The following PDE10A variants were observed in gnomAD, a reference collection of about 807,000 sequenced individuals.
PDE10A encodes the protein phosphodiesterase 10A, also known as cAMP and cAMP-inhibited cGMP 3',5'-cyclic phosphodiesterase 10A.
In PDE10A, 39 loss-of-function variants were observed where a neutral mutation model predicts 97.7. That is an observed-to-expected ratio of 0.40 (90% CI 0.31 to 0.52). The LOEUF (loss-of-function observed/expected upper bound fraction) is 0.52. Ranked by LOEUF, PDE10A falls within the 20% of genes least tolerant of loss-of-function variation. PDE10A has a pLI of 0.56. For synonymous variants in PDE10A, 371 were observed against 376.8 expected (o/e 0.98, Z 0.18); for missense variants, 731 against 1,047.8 (o/e 0.70, Z 4.17).
chr6:165,848,693 G>C (rs1204318277), intron 1 of PDE10A, among the ~76,000 whole-genome samples: 1 of 152,180 alleles, frequency 6.6e-6, no homozygotes, highest in Non-Finnish European at 1.5e-5. Flanking sequence ...GGCCCCCCAA[G>C]GGTATCCAGG....
intron 2 of PDE10A, among the ~76,000 whole-genome samples, chr6:165,528,053 G>C (rs929090382): frequency 6.6e-6 from 1 of 152,222 alleles, no homozygotes; most frequent in Non-Finnish European, 1.5e-5. Context: ...TGAATGGAAG[G>C]AGAAATGGCC....
chr6:165,987,638 G>C (rs1478877729), exon 1 of PDE10A: 1 of 437,746 alleles, frequency 2.3e-6, no homozygotes, highest in Non-Finnish European at 4.5e-6. Flanking sequence ...AAGGCGCCGG[G>C]AGCACAGTGG....
At position 165,661,097 on chromosome 6, in the gene PDE10A, C is replaced by A; in HGVS notation, c.865+850G>T. On this transcript the variant is annotated intron_variant, in intron 1 of 21. Transcript: ENST00000539869. This position sits in a 1 kb window ranked among gnomAD's most constrained non-coding sequence, Gnocchi z 4.8. ...TTCTGCTCAATCTTGTCCCCCACCC[C>A]CGTGACATGCCTTTCTGCCACCTCT... 1 of 152,868 alleles carries A rather than the reference C, an allele frequency of 6.5e-6. No individual in the cohort carries two copies. The highest frequency in any genetic ancestry group is 1.5e-5 in the Non-Finnish European group (1 of 68,476). 9.5% of individuals were successfully genotyped at this position (152,868 alleles called of 1,614,324 possible).
chr6:165,640,220 T>C (rs1789067796), intron 1 of PDE10A, among the ~76,000 whole-genome samples: 1 of 152,226 alleles, frequency 6.6e-6, no homozygotes, highest in Admixed American at 6.5e-5. Context: ...ACATAAAGAT[T>C]CTAATGGTTT....
At chr6:165,706,009 T>C (rs774130366) in intron 1 of PDE10A, among the ~76,000 whole-genome samples, 4 of 152,134 alleles carry the variant, frequency 2.6e-5, no homozygotes. Flanking sequence ...AAAATGTGTG[T>C]TCTCTGCGAA....
At chr6:165,783,328 C>G (rs762507878) in intron 1 of PDE10A, among the ~76,000 whole-genome samples, 4 of 152,176 alleles carry the variant, frequency 2.6e-5, no homozygotes, top group African/African-American at 9.7e-5. Flanking sequence ...ATCAGTTCTA[C>G]TAAGATACAG....
rs193291622 is a variant in PDE10A at position 165,715,713 on chromosome 6, A to G, written c.-614-172145T>C. ...GATCAGGTGGTTTGTCCAGGAAAGAAGACAGCATGTTACCTGCTGCATAGA... is the reference window on the plus strand; with the variant it reads ...GATCAGGTGGTTTGTCCAGGAAAGAGGACAGCATGTTACCTGCTGCATAGA... On this transcript the variant is annotated intron_variant, in intron 1 of 19. Coordinates refer to the PDE10A transcript ENST00000366882. Among the ~76,000 whole-genome samples the G allele has an allele frequency of 1.1e-4, 16 of 152,338 alleles. No individual in the cohort carries two copies. The East Asian group carries it at 2.9e-3, about 28-fold the overall frequency.
chr6:165,561,626 T>C (rs1213769698), intron 1 of PDE10A, among the ~76,000 whole-genome samples: 2 of 152,226 alleles, frequency 1.3e-5, no homozygotes, highest in East Asian at 3.9e-4. Context: ...TGTTTTAAGA[T>C]GTAAGTCTTA....
intron 10 of PDE10A, among the ~76,000 whole-genome samples, chr6:165,428,266 C>A (rs1030872846): frequency 4.6e-5 from 7 of 151,968 alleles, no homozygotes; most frequent in Admixed American, 3.3e-4. Context: ...GCTTTAGGCT[C>A]AAAAGTGCCT....
intron 2 of PDE10A, among the ~76,000 whole-genome samples, chr6:165,509,264 G>T (rs747728825): frequency 2.0e-5 from 3 of 151,884 alleles, no homozygotes; most frequent in Non-Finnish European, 2.9e-5. Context: ...AATATTTCAA[G>T]TCCTTTCTTC....
In PDE10A at chr6:165,711,017, AC is replaced by A. The variant is rs1297106267; in HGVS notation, c.-614-167450del. On this transcript the variant is annotated intron_variant, in intron 1 of 19. Transcript: ENST00000366882. This position sits in a 1 kb window ranked among gnomAD's most constrained non-coding sequence, Gnocchi z 4.5. ...GAACGGCAGAGCGGGTTTCCTTTTT[AC>A]CTGGCGCACTGCAGGGGTCCAGGGT... Among the ~76,000 whole-genome samples the A allele has an allele frequency of 6.6e-6, 1 of 152,112 alleles. No individual in the cohort carries two copies. Among genetic ancestry groups the A allele is most frequent in the Non-Finnish European group, 1.5e-5 (1 of 68,018 alleles).
Position 165,661,049 on chromosome 6 carries a change from C to G in PDE10A, c.865+898G>C, listed in dbSNP as rs1790228995. 2.0e-5 allele frequency: 3 copies of G among 152,828 alleles called. No homozygotes were observed. The highest frequency in any genetic ancestry group is 7.2e-5 in the African/African-American group (3 of 41,480). 9.5% of individuals were successfully genotyped at this position (152,828 alleles called of 1,614,324 possible). ...CTGTCTCCCGCCTGCCTGCTTCCTT[C>G]TAGCGAACCCCTGCCTTGACTTTTC... On this transcript the variant is annotated intron_variant, in intron 1 of 21. Transcript: ENST00000539869. This position sits in a 1 kb window ranked among gnomAD's most constrained non-coding sequence, Gnocchi z 4.8.
chr6:165,343,652 A>G (rs1033792252), intron 18 of PDE10A, 150 bp from the exon 19 acceptor site: 1 of 623,448 alleles, frequency 1.6e-6, no homozygotes, highest in Admixed American at 2.8e-5. Flanking sequence ...AGTAAAATGG[A>G]ATTAAAAATT....
intron 1 of PDE10A, among the ~76,000 whole-genome samples, chr6:165,605,984 G>A (rs1460869882): frequency 6.6e-6 from 1 of 151,820 alleles, no homozygotes; most frequent in East Asian, 1.9e-4. Flanking sequence ...TCATGGACAG[G>A]GATTATTTCT....
rs1791888322 is a variant in PDE10A, at chr6:165,711,222, AG to A, written c.-614-167655del. On this transcript the variant is annotated intron_variant, in intron 1 of 19. Transcript: ENST00000366882. This position sits in a 1 kb window ranked among gnomAD's most constrained non-coding sequence, Gnocchi z 4.5. ...TAAATACACCGTTAGAGTTGGGAGCAGGGCTCTTCTGAAAACCTCATCTTGG... is the reference window on the plus strand; with the variant it reads ...TAAATACACCGTTAGAGTTGGGAGCAGGCTCTTCTGAAAACCTCATCTTGG... Among the ~76,000 whole-genome samples the A allele has an allele frequency of 6.6e-6, 1 of 152,248 alleles. No individual in the cohort carries two copies. The highest frequency in any genetic ancestry group is 2.4e-5 in the African/African-American group (1 of 41,472).
At chr6:165,476,699 T>C (rs1364417058) in intron 3 of PDE10A, among the ~76,000 whole-genome samples, 1 of 152,144 alleles carries the variant, frequency 6.6e-6, no homozygotes, top group African/African-American at 2.4e-5. Context: ...CTAGTGAAAG[T>C]AACAAATTCA....
intron 1 of PDE10A, among the ~76,000 whole-genome samples, chr6:165,760,553 T>C (rs1793225798): frequency 6.6e-6 from 1 of 152,196 alleles, no homozygotes; most frequent in Non-Finnish European, 1.5e-5. Context: ...CAACAAATGT[T>C]TGTTGAATGG....
intron 1 of PDE10A, among the ~76,000 whole-genome samples, chr6:165,657,242 A>G (rs540996313): frequency 1.6e-4 from 24 of 152,372 alleles, no homozygotes; most frequent in Non-Finnish European, 2.4e-4. Flanking sequence ...AGTGCTACAA[A>G]GAACACAAGA....
At chr6:165,484,487 C>T (rs1262248135) in intron 2 of PDE10A, among the ~76,000 whole-genome samples, 1 of 152,196 alleles carries the variant, frequency 6.6e-6, no homozygotes, top group Non-Finnish European at 1.5e-5. Context: ...ACTGCACTTG[C>T]TTGCTTGGGA....
Sources: allele counts gnomAD v4.1 joint callset (sites outside exome capture counted in the v4.1 genomes callset), GRCh38; gene constraint gnomAD v4.1.1; non-coding constraint Gnocchi (gnomAD v3.1); transcripts MANE v1.5; gene names NCBI Gene and HGNC (gene_info 2026-07-23, HGNC 2026-07-21).